Variants in RNGTT observed in about 807,000 individuals in gnomAD.
The protein encoded by RNGTT is mRNA-capping enzyme.
In RNGTT, 33 loss-of-function variants were observed where a neutral mutation model predicts 79.3. The observed-to-expected ratio is 0.42, with a 90% CI of 0.32 to 0.56. The LOEUF (loss-of-function observed/expected upper bound fraction) is 0.56. Among genes scored for constraint, RNGTT ranks in the 20% least tolerant of loss-of-function variants. RNGTT has a pLI of 0.17. For synonymous variants in RNGTT, 222 were observed against 235.9 expected, an observed-to-expected ratio of 0.94 and a Z score of 0.54; for missense variants, 497 against 739.1, an observed-to-expected ratio of 0.67 and a Z score of 3.80.
intron 14 of RNGTT, among the ~76,000 whole-genome samples, chr6:88,651,965 G>A (rs1237219637): frequency 1.3e-5 from 2 of 152,096 alleles, no homozygotes; most frequent in Non-Finnish European, 2.9e-5. Context: ...ATATATACAT[G>A]TAAATAAAAT....
At chr6:88,699,527 TA>T (rs112894447) in intron 13 of RNGTT, among the ~76,000 whole-genome samples, 1 of 151,972 alleles carries the variant, frequency 6.6e-6, no homozygotes, top group Admixed American at 6.6e-5. Flanking sequence ...CTACAAAAAA[TA>T]AAAAATTACC....
chr6:88,869,654 A>C (rs1340388747), intron 8 of RNGTT, among the ~76,000 whole-genome samples: 1 of 152,164 alleles, frequency 6.6e-6, no homozygotes. Flanking sequence ...TTAGAAATTA[A>C]CTGGTTGCTA....
At chr6:88,855,047 T>C (rs888039064) in intron 8 of RNGTT, among the ~76,000 whole-genome samples, 1 of 152,186 alleles carries the variant, frequency 6.6e-6, no homozygotes, top group Non-Finnish European at 1.5e-5. Context: ...TGTTAGGCTG[T>C]TTTTGTTTGG....
intron 13 of RNGTT, among the ~76,000 whole-genome samples, chr6:88,689,620 A>G (rs1775408025): frequency 6.6e-6 from 1 of 151,714 alleles, no homozygotes; most frequent in Admixed American, 6.6e-5. Context: ...GTCTATACCA[A>G]TATAAATAAA....
intron 12 of RNGTT, among the ~76,000 whole-genome samples, chr6:88,779,978 G>A (rs781003665): frequency 2.3e-4 from 35 of 152,018 alleles, no homozygotes; most frequent in Non-Finnish European, 4.1e-4. Flanking sequence ...TGGGCAATAG[G>A]GTGAGACTCT....
chr6:88,672,418 G>A (rs1337146675), intron 14 of RNGTT, among the ~76,000 whole-genome samples: 2 of 152,106 alleles, frequency 1.3e-5, no homozygotes, highest in Admixed American at 1.3e-4. Context: ...CCTGGATGAA[G>A]TTGGAGACCA....
At chr6:88,905,410 G>A (rs1171136231) in intron 5 of RNGTT, among the ~76,000 whole-genome samples, 3 of 152,240 alleles carry the variant, frequency 2.0e-5, no homozygotes, top group African/African-American at 7.2e-5. Context: ...TGAGATCATT[G>A]TGGAGAGCAT....
chr6:88,817,971 A>G (rs952435755), intron 11 of RNGTT, among the ~76,000 whole-genome samples: 1 of 151,306 alleles, frequency 6.6e-6, no homozygotes, highest in Admixed American at 6.6e-5. Flanking sequence ...GTGTTAGCCA[A>G]GATGGTCTCG....
At chr6:88,753,354 T>C (rs888989797) in intron 13 of RNGTT, among the ~76,000 whole-genome samples, 9 of 151,738 alleles carry the variant, frequency 5.9e-5, no homozygotes, top group Admixed American at 1.3e-4. Context: ...AATTTAAAAA[T>C]TAGCCATGTG....
At chr6:88,751,295 C>T (rs1265921822) in intron 13 of RNGTT, among the ~76,000 whole-genome samples, 1 of 152,120 alleles carries the variant, frequency 6.6e-6, no homozygotes, top group Non-Finnish European at 1.5e-5. Context: ...AATGAACCCA[C>T]TTAAATGCTC....
At chr6:88,719,184 C>T (rs1039421198) in intron 13 of RNGTT, among the ~76,000 whole-genome samples, 2 of 152,144 alleles carry the variant, frequency 1.3e-5, no homozygotes, top group Non-Finnish European at 2.9e-5. Flanking sequence ...ATCCCTCTGC[C>T]TAGAATACTG....
At position 88,624,098 on chromosome 6, in the gene RNGTT, A is replaced by T. The variant is rs117198714; in HGVS notation, c.1507-9703T>A. Among the ~76,000 whole-genome samples the T allele has an allele frequency of 4.8e-4, 73 of 152,106 alleles. No homozygotes were observed. The East Asian group carries it at 0.014, about 29-fold the overall frequency. On this transcript the variant is annotated intron_variant, in intron 14 of 15. Coordinates refer to ENST00000369485, the MANE Select transcript of RNGTT (RefSeq NM_003800.5). ...CTGATGAAAGAAAGAAATCAAGGAG[A>T]ACCTAAATAAAAAGAGATATACACC...
intron 4 of RNGTT, among the ~76,000 whole-genome samples, chr6:88,919,031 A>C (rs1784083085): frequency 6.6e-6 from 1 of 152,244 alleles, no homozygotes; most frequent in African/African-American, 2.4e-5. Context: ...GTCTTAGTCT[A>C]ATGGTTCAGT....
intron 13 of RNGTT, among the ~76,000 whole-genome samples, chr6:88,733,928 T>G (rs1777199180): frequency 6.6e-6 from 1 of 151,606 alleles, no homozygotes; most frequent in South Asian, 2.1e-4. Context: ...CCAGAAGACC[T>G]GTCCTGAAAA....
intron 13 of RNGTT, among the ~76,000 whole-genome samples, chr6:88,711,233 T>G (rs1026928274): frequency 6.6e-6 from 1 of 152,192 alleles, no homozygotes; most frequent in Non-Finnish European, 1.5e-5. Flanking sequence ...TATTATTCAT[T>G]TATAACTTTT....
chr6:88,704,456 T>C (rs919552910), intron 13 of RNGTT, among the ~76,000 whole-genome samples: 1 of 152,248 alleles, frequency 6.6e-6, no homozygotes, highest in East Asian at 1.9e-4. Flanking sequence ...ATATTCAATA[T>C]GATCAAGACA....
chr6:88,677,436 G>A (rs1774918081), intron 14 of RNGTT, among the ~76,000 whole-genome samples: 2 of 152,014 alleles, frequency 1.3e-5, no homozygotes, highest in Non-Finnish European at 2.9e-5. Context: ...ACAGTTTATT[G>A]TTCTTCAATT....
intron 14 of RNGTT, among the ~76,000 whole-genome samples, chr6:88,638,369 AT>A (rs888507976): frequency 6.6e-6 from 1 of 152,178 alleles, no homozygotes; most frequent in Non-Finnish European, 1.5e-5. Context: ...TGGAAAATTA[AT>A]TCATGCCTCA....
intron 11 of RNGTT, among the ~76,000 whole-genome samples, chr6:88,809,874 C>A (rs558148207): frequency 1.3e-5 from 2 of 152,044 alleles, no homozygotes; most frequent in East Asian, 1.9e-4. Flanking sequence ...CATAGTGAGA[C>A]CCTGTCTCTA....
Sources: allele counts gnomAD v4.1 joint callset (sites outside exome capture counted in the v4.1 genomes callset), GRCh38; gene constraint gnomAD v4.1.1; transcripts MANE v1.5; gene names NCBI Gene and HGNC (gene_info 2026-07-23, HGNC 2026-07-21).